PSG3: variants seen among roughly 807,000 people sequenced by gnomAD.
PSG3 encodes the protein pregnancy specific beta-1-glycoprotein 3.
PSG3 carries 61 observed loss-of-function variants against 47.5 expected under a neutral mutation model. That is an observed-to-expected ratio of 1.28 (90% CI 1.05 to 1.59). The LOEUF is 1.59. Among genes scored for constraint, PSG3 ranks in the 40% most tolerant of loss-of-function variants. The pLI, the probability that PSG3 is intolerant of heterozygous loss-of-function variation, is 0.00. For missense variants in PSG3, 756 were observed against 524.0 expected (o/e 1.44, Z -4.32); for synonymous variants, 263 against 198.4 (o/e 1.33, Z -2.74).
Position 42,729,183 on chromosome 19 carries a change from A to G in PSG3, c.1183T>C (p.Ser395Pro). 1.9e-6 allele frequency: 3 copies of G among 1,613,990 alleles called. No individual in the cohort carries two copies. Among genetic ancestry groups the G allele is most frequent in the South Asian group, 1.1e-5 (1 of 91,074 alleles). The change falls in exon 5 of 7, where the codon TCT becomes CCT. Residue 395 changes from serine to proline, a missense_variant. Coordinates refer to ENST00000327495, the MANE Select transcript of PSG3 (RefSeq NM_021016.4). Reference sequence around the variant, plus strand: ...ATGCCAGTGGCTGAGTTACGAACAGAGCAAGCATAGAGCCCGCTATGCTTT... The same window carrying G: ...ATGCCAGTGGCTGAGTTACGAACAGGGCAAGCATAGAGCCCGCTATGCTTT... ...TTKHSGLYAC[S>P]VRNSATGMES...
intron 1 of PSG3, 103 bp downstream of exon 1, chr19:42,740,218 C>T (rs2122206626): frequency 1.9e-6 from 3 of 1,605,962 alleles, no homozygotes; most frequent in Non-Finnish European, 2.5e-6. Context: ...TCCCTAAGTG[C>T]TGGCTTCTTT....
chr19:42,727,026 G>C (rs1030680729), intron 5 of PSG3, among the ~76,000 whole-genome samples: 1 of 152,136 alleles, frequency 6.6e-6, no homozygotes, highest in African/African-American at 2.4e-5. Context: ...TCGTTCAATG[G>C]GGAAGGGACC....
intron 2 of PSG3, among the ~76,000 whole-genome samples, chr19:42,735,547 T>C (rs1282240592): frequency 1.3e-5 from 2 of 152,104 alleles, no homozygotes; most frequent in Non-Finnish European, 2.9e-5. Context: ...TTTGTATTTT[T>C]AGTAGAGACG....
At chr19:42,740,194 C>T in intron 1 of PSG3, 127 bp downstream of exon 1, 1 of 1,575,118 alleles carries the variant, frequency 6.3e-7, no homozygotes, top group East Asian at 2.2e-5. Flanking sequence ...TCTCGTGATC[C>T]ACCCTCCTCA....
chr19:42,733,671 TA>T, intron 2 of PSG3: 1 of 156,784 alleles, frequency 6.4e-6, no homozygotes, highest in Admixed American at 6.1e-5. Flanking sequence ...AGGTGTCTCA[TA>T]GTGGCTGACT....
rs1312373288 is a variant in PSG3 at position 42,721,862 on chromosome 19, CTATT to C, written c.*265_*268del. ...GAAAATTATGAAAACATTGTTTTGA[CTATT>C]TAGTCCAATAAAATTGGGTTTTTTT... On this transcript the variant is annotated 3_prime_UTR_variant, in exon 7 of 7. Transcript: ENST00000327495. 4.3e-5 allele frequency: 18 copies of C among 414,300 alleles called. No individual in the cohort carries two copies. Among genetic ancestry groups the C allele is most frequent in the Middle Eastern group, 3.4e-4 (1 of 2,982 alleles). 25.7% of individuals were successfully genotyped at this position (414,300 alleles called of 1,614,324 possible).
intron 5 of PSG3, among the ~76,000 whole-genome samples, chr19:42,727,620 CA>C (rs1372720417): frequency 6.6e-6 from 1 of 152,134 alleles, no homozygotes; most frequent in Non-Finnish European, 1.5e-5. Flanking sequence ...CAACACAAAA[CA>C]ACAGGTGTTT....
chr19:42,723,478 T>A (rs1969328169), intron 6 of PSG3, among the ~76,000 whole-genome samples: 2 of 152,292 alleles, frequency 1.3e-5, no homozygotes, highest in African/African-American at 2.4e-5. Context: ...CTTATCAAAG[T>A]GGCTAGAGTA....
At chr19:42,734,989 C>T (rs1969539052) in intron 2 of PSG3, among the ~76,000 whole-genome samples, 1 of 152,130 alleles carries the variant, frequency 6.6e-6, no homozygotes, top group East Asian at 1.9e-4. Flanking sequence ...GTTTGTGTGT[C>T]TCCCCACACG....
rs144458808 is a variant in PSG3 at position 42,732,848 on chromosome 19, A to G, written c.645T>C (p.Tyr215=). 14 of 1,614,048 alleles carry G rather than the reference A, an allele frequency of 8.7e-6. 1 individual carries two copies. The highest frequency in any genetic ancestry group is 4.0e-5 in the African/African-American group (3 of 74,914). ...TCACTGGGTTCCGTATTTCACATTC[A>G]TAGGGTCCTGCAGTGTACTTTGTGA... ...FGVTKYTAGP[Y]ECEIRNPVSA... The change falls in exon 3 of 7, where the codon TAT becomes TAC. Residue 215 remains tyrosine, a synonymous_variant. Transcript: ENST00000327495.
chr19:42,734,983 G>A (rs931863370), intron 2 of PSG3, among the ~76,000 whole-genome samples: 17 of 152,294 alleles, frequency 1.1e-4, no homozygotes, highest in Admixed American at 2.0e-4. Context: ...CCAATGGTTT[G>A]TGTGTCTCCC....
In PSG3 at chr19:42,738,806, G is replaced by C. The variant is rs772450674; in HGVS notation, c.348C>G (p.Asp116Glu). The stretch of plus-strand genomic sequence containing the variant: ...CGATGTGTAAGGTGTAGGATCCTGC[G>C]TCCTCCCGGGTGACATTCTGGATCA... ...SLLIQNVTRE[D>E]AGSYTLHIVK... Residue 116 changes from aspartate to glutamate, a missense_variant, in exon 2 of 7, where the codon GAC becomes GAG. Transcript: ENST00000327495. The C allele has an allele frequency of 1.5e-5, 25 of 1,614,066 alleles. No homozygotes were observed. The highest frequency in any genetic ancestry group is 2.0e-5 in the Non-Finnish European group (24 of 1,179,994).
Position 42,721,712 on chromosome 19 carries a change from A to T in PSG3, c.*419T>A. The T allele has an allele frequency of 2.7e-6, 1 of 364,938 alleles. No homozygotes were observed. The highest frequency in any genetic ancestry group is 4.9e-6 in the Non-Finnish European group (1 of 204,248). The allele number at this position is 364,938 out of a possible 1,614,324, so 22.6% of individuals were successfully genotyped here. ...CTGAATAGTTTCCCAATTCTGGGGC[A>T]CTTAGGGAGCAAAAGCAAATGTTTC... On this transcript the variant is annotated 3_prime_UTR_variant, in exon 7 of 7. Transcript: ENST00000327495.
In PSG3 at chr19:42,729,069, G is replaced by A. The variant is rs528534934; in HGVS notation, c.1243+54C>T. 158 of 1,613,032 alleles carry A rather than the reference G, an allele frequency of 9.8e-5. 1 individual carries two copies. In the South Asian group the frequency reaches 1.6e-3, roughly 16 times the overall value. Reference sequence around the variant, plus strand: ...ATGTTTTCCTGACTCTTCTCTGAAAGCCAGAGAGACTCCACCTAAAACTCT... The same window carrying A: ...ATGTTTTCCTGACTCTTCTCTGAAAACCAGAGAGACTCCACCTAAAACTCT... On this transcript the variant is annotated intron_variant, in intron 5 of 6. Transcript: ENST00000327495.
intron 6 of PSG3, among the ~76,000 whole-genome samples, chr19:42,723,445 T>G (rs1969327755): frequency 6.6e-6 from 1 of 152,194 alleles, no homozygotes; most frequent in Non-Finnish European, 1.5e-5. Context: ...GTGAGAAGGC[T>G]TAGTAAATAG....
intron 6 of PSG3, among the ~76,000 whole-genome samples, 178 bp downstream of exon 6, chr19:42,723,764 G>A (rs1209058443): frequency 6.6e-6 from 1 of 152,036 alleles, no homozygotes; most frequent in African/African-American, 2.4e-5. Context: ...AAGACAGTGG[G>A]GTACAGGGAG....
At chr19:42,739,529 T>C in intron 1 of PSG3, 1 of 175,106 alleles carries the variant, frequency 5.7e-6, no homozygotes, top group Non-Finnish European at 1.2e-5. Context: ...TAGAACTCTT[T>C]GCATGTCTGT....
At chr19:42,727,851 C>T (rs1010152276) in intron 5 of PSG3, among the ~76,000 whole-genome samples, 5 of 152,134 alleles carry the variant, frequency 3.3e-5, no homozygotes, top group African/African-American at 1.2e-4. Flanking sequence ...TCACACTAGC[C>T]AAAAAATGGA....
At chr19:42,738,519 A>C (rs924683232) in intron 2 of PSG3, among the ~76,000 whole-genome samples, 4 of 152,136 alleles carry the variant, frequency 2.6e-5, no homozygotes, top group Admixed American at 2.6e-4. Flanking sequence ...CTCTGCAGCG[A>C]GTGTCTGCAG....
Sources: gnomAD v4.1 joint callset for allele counts (sites outside exome capture counted in the v4.1 genomes callset) on GRCh38, gnomAD v4.1.1 for gene constraint, MANE v1.5 for transcripts, NCBI Gene and HGNC (gene_info 2026-07-23, HGNC 2026-07-21) for gene names.